ADORA2B: variants seen among roughly 807,000 people sequenced by gnomAD.
ADORA2B encodes the protein adenosine receptor A2b.
ADORA2B carries 18 observed loss-of-function variants against 20.8 expected under a neutral mutation model. The observed-to-expected ratio is 0.87, with a 90% CI of 0.60 to 1.29. The LOEUF is 1.29. Ranked by LOEUF, ADORA2B falls within the 50% of genes most tolerant of loss-of-function variation. ADORA2B has a pLI of 0.00. For synonymous variants in ADORA2B, 179 were observed against 178.3 expected (o/e 1.00, Z -0.03); for missense variants, 441 against 422.7 (o/e 1.04, Z -0.38).
the ADORA2B span, among the ~76,000 whole-genome samples, chr17:15,898,921 C>T: frequency 6.6e-6 from 1 of 151,988 alleles, no homozygotes; most frequent in Non-Finnish European, 1.5e-5. Context: ...TTTTTCAATA[C>T]CGTGATGTGG....
intron 1 of ADORA2B, among the ~76,000 whole-genome samples, chr17:15,966,847 TA>T (rs1970124200): frequency 6.6e-6 from 1 of 152,238 alleles, no homozygotes; most frequent in Admixed American, 6.5e-5. Flanking sequence ...AGTCGCCTGT[TA>T]TTCACTCTCC....
At chr17:15,934,510 C>T in the ADORA2B span, among the ~76,000 whole-genome samples, 1 of 152,164 alleles carries the variant, frequency 6.6e-6, no homozygotes, top group Non-Finnish European at 1.5e-5. Context: ...AGGCGTGAGC[C>T]ACCGCGCCCG....
chr17:15,959,494 ATTTTTTTTT>A (rs56097835), intron 1 of ADORA2B, among the ~76,000 whole-genome samples: 4 of 75,934 alleles, frequency 5.3e-5, no homozygotes, highest in East Asian at 3.9e-4. Context: ...TCACATTCTG[ATTTTTTTTT>A]TTTTTTTTTT....
At chr17:15,929,853 C>T in the ADORA2B span, among the ~76,000 whole-genome samples, 2 of 151,848 alleles carry the variant, frequency 1.3e-5, no homozygotes, top group African/African-American at 4.8e-5. Flanking sequence ...TGGTGGTTGC[C>T]AGGGGCTGGG....
At chr17:15,906,999 T>TGTA in the ADORA2B span, among the ~76,000 whole-genome samples, 7 of 152,176 alleles carry the variant, frequency 4.6e-5, no homozygotes, top group East Asian at 1.2e-3. Context: ...GAGGAAAGCT[T>TGTA]GCCATCTCTC....
the ADORA2B span, among the ~76,000 whole-genome samples, chr17:15,856,938 T>TC: frequency 6.6e-6 from 1 of 152,134 alleles, no homozygotes; most frequent in Non-Finnish European, 1.5e-5. Context: ...CGAATGTTAA[T>TC]CACCAAAACA....
At chr17:15,918,749 G>A in the ADORA2B span, among the ~76,000 whole-genome samples, 3 of 152,182 alleles carry the variant, frequency 2.0e-5, no homozygotes, top group Non-Finnish European at 4.4e-5. Context: ...GGATTCAGGT[G>A]TAAGCCACCG....
the ADORA2B span, among the ~76,000 whole-genome samples, chr17:15,861,680 C>G: frequency 6.6e-6 from 1 of 152,212 alleles, no homozygotes; most frequent in Non-Finnish European, 1.5e-5. Context: ...GAGGGCAGGA[C>G]TGCAAGACCA....
the ADORA2B span, among the ~76,000 whole-genome samples, chr17:15,857,170 A>C: frequency 6.6e-6 from 1 of 152,228 alleles, no homozygotes. Context: ...CAGAGGGTGC[A>C]AGCCCCAAGT....
intron 1 of ADORA2B, among the ~76,000 whole-genome samples, chr17:15,958,275 T>C (rs1050209102): frequency 2.6e-5 from 4 of 152,080 alleles, no homozygotes; most frequent in Non-Finnish European, 4.4e-5. Flanking sequence ...ACCTCGGCCT[T>C]CCAAAGTGCT....
the ADORA2B span, among the ~76,000 whole-genome samples, chr17:15,916,088 G>T: frequency 7.2e-5 from 11 of 152,194 alleles, no homozygotes; most frequent in African/African-American, 2.4e-4. Context: ...GTCAGCTGGG[G>T]TGGGGGGGTC....
At chr17:15,923,696 G>A in the ADORA2B span, among the ~76,000 whole-genome samples, 3 of 152,046 alleles carry the variant, frequency 2.0e-5, no homozygotes, top group South Asian at 4.1e-4. Flanking sequence ...GTGAGCCACC[G>A]CGCCCGGTCC....
At chr17:15,949,067 G>T (rs1391952305) in intron 1 of ADORA2B, among the ~76,000 whole-genome samples, 1 of 152,002 alleles carries the variant, frequency 6.6e-6, no homozygotes, top group African/African-American at 2.4e-5. Flanking sequence ...AATTAGCTGG[G>T]TGTGGTGGTG....
At chr17:15,958,082 C>T (rs1029791979) in intron 1 of ADORA2B, among the ~76,000 whole-genome samples, 3 of 149,582 alleles carry the variant, frequency 2.0e-5, no homozygotes, top group South Asian at 2.1e-4. Context: ...TACAATGGTG[C>T]GATCTTGGTC....
chr17:15,883,060 T>C, the ADORA2B span, among the ~76,000 whole-genome samples: 1 of 152,320 alleles, frequency 6.6e-6, no homozygotes, highest in South Asian at 2.1e-4. Flanking sequence ...ATATCGTCCA[T>C]TTGGGAAAGA....
chr17:15,969,226 G>A (rs1056989498), intron 1 of ADORA2B, among the ~76,000 whole-genome samples: 10 of 152,100 alleles, frequency 6.6e-5, no homozygotes, highest in East Asian at 1.9e-4. Context: ...TGAGGTGGGC[G>A]GATCACGAGG....
the ADORA2B span, among the ~76,000 whole-genome samples, chr17:15,927,344 A>G: frequency 6.6e-6 from 1 of 151,984 alleles, no homozygotes; most frequent in Non-Finnish European, 1.5e-5. Flanking sequence ...TTAGCCGGGC[A>G]TGGTGGCACG....
At chr17:15,962,466 A>C (rs1237828205) in intron 1 of ADORA2B, among the ~76,000 whole-genome samples, 1 of 152,054 alleles carries the variant, frequency 6.6e-6, no homozygotes, top group African/African-American at 2.4e-5. Flanking sequence ...GTCAGTATGG[A>C]CTTACAGAAT....
At chr17:15,963,380 C>G (rs1288394623) in intron 1 of ADORA2B, among the ~76,000 whole-genome samples, 3 of 152,188 alleles carry the variant, frequency 2.0e-5, no homozygotes, top group Non-Finnish European at 4.4e-5. Flanking sequence ...ACCACATCAA[C>G]CAAGTGCCTT....
Sources: gnomAD v4.1 joint callset for allele counts (sites outside exome capture counted in the v4.1 genomes callset) on GRCh38, gnomAD v4.1.1 for gene constraint, MANE v1.5 for transcripts, NCBI Gene and HGNC (gene_info 2026-07-23, HGNC 2026-07-21) for gene names.